UMOD: variants seen among roughly 807,000 people sequenced by gnomAD.
The protein encoded by UMOD is uromodulin, also known as Tamm-Horsfall urinary glycoprotein.
In UMOD, 64 loss-of-function variants were observed where a neutral mutation model predicts 66.0. The observed-to-expected ratio is 0.97, with a 90% CI of 0.79 to 1.19. The LOEUF (loss-of-function observed/expected upper bound fraction) is 1.19, where lower values mean the gene tolerates loss of function less well. Ranked by LOEUF, UMOD falls within the 50% of genes most tolerant of loss-of-function variation. The probability of loss-of-function intolerance (pLI) is 0.00; values close to 1 mark genes in which losing one functional copy is unlikely to be tolerated. For missense variants in UMOD, 764 were observed against 850.9 expected (o/e 0.90, Z 1.27); for synonymous variants, 398 against 352.7 (o/e 1.13, Z -1.44).
intron 6 of UMOD, 27 bp from the exon 7 acceptor site, chr16:20,341,363 G>T (rs751358520): frequency 3.8e-5 from 61 of 1,611,044 alleles, no homozygotes; most frequent in Non-Finnish European, 5.0e-5. Context: ...GTTGGTGAGA[G>T]GACCGGGCTG....
At chr16:20,345,817 T>G (rs1048036608) in intron 5 of UMOD, among the ~76,000 whole-genome samples, 4 of 152,130 alleles carry the variant, frequency 2.6e-5, no homozygotes, top group South Asian at 4.1e-4. Context: ...CAATCCCTAC[T>G]ATGGCCCTAC....
upstream of UMOD, among the ~76,000 whole-genome samples, chr16:20,355,588 T>G (rs953795752): frequency 1.6e-5 from 2 of 124,706 alleles, no homozygotes; most frequent in African/African-American, 9.3e-5. Flanking sequence ...CTAATTTGTG[T>G]TTTTTTTGTA....
chr16:20,355,680 A>G (rs1200257833), upstream of UMOD, among the ~76,000 whole-genome samples: 1 of 152,082 alleles, frequency 6.6e-6, no homozygotes, highest in Non-Finnish European at 1.5e-5. Flanking sequence ...GATTACAGAC[A>G]TGAGCCACCA....
In UMOD at chr16:20,350,688, C is replaced by T. The variant is rs1421859547; in HGVS notation, c.50G>A (p.Trp17Ter). The stretch of plus-strand genomic sequence containing the variant: ...GTCAGTGGCTGCAGTTGTGATGAAC[C>T]AAGAGGCCACCACCACCATCAGCAT... ...TWMLMVVVAS[W>*]FITTAATDTS... is the part of the protein sequence containing the mutation. The change falls in exon 2 of 11, where the codon TGG becomes TAG. Residue 17 changes from tryptophan to a stop codon, truncating the protein, a stop_gained. Transcript: ENST00000396138. LOFTEE classifies it high-confidence loss of function. 6.2e-7 allele frequency: 1 copy of T among 1,614,032 alleles called. No homozygotes were observed. The highest frequency in any genetic ancestry group is 8.5e-7 in the Non-Finnish European group (1 of 1,180,044).
chr16:20,333,982 T>C (rs1204390069), intron 10 of UMOD, among the ~76,000 whole-genome samples: 1 of 135,198 alleles, frequency 7.4e-6, no homozygotes. Flanking sequence ...TACAGTGAGC[T>C]GAGATTTCAC....
At chr16:20,333,646 A>G (rs894206030) in intron 10 of UMOD, among the ~76,000 whole-genome samples, 8 of 152,158 alleles carry the variant, frequency 5.3e-5, no homozygotes, top group African/African-American at 1.9e-4. Flanking sequence ...ATCCTTAGAG[A>G]CCTTGGGGGA....
chr16:20,348,998 C>G lies in UMOD; in HGVS notation c.303G>C (p.Ser101=). 1 of 1,578,842 alleles carries G rather than the reference C, an allele frequency of 6.3e-7. No individual in the cohort carries two copies. The highest frequency in any genetic ancestry group is 8.6e-7 in the Non-Finnish European group (1 of 1,162,422). The change falls in exon 3 of 11, where the codon TCG becomes TCC. Residue 101 remains serine (S), a synonymous_variant. Transcript: ENST00000396138. ...SCVCPEGFRL[S]PGLGCTDVDE... ...CCACGTCTGTGCAGCCGAGACCGGG[C>G]GACAGGCGGAAGCCTTCGGGGCAGA...
upstream of UMOD, chr16:20,352,716 G>A (rs188887539): frequency 8.1e-7 from 1 of 1,231,622 alleles, no homozygotes; most frequent in Non-Finnish European, 1.0e-6. Flanking sequence ...GAGTTAGTCT[G>A]GTCATGATGT....
intron 7 of UMOD, among the ~76,000 whole-genome samples, chr16:20,339,458 G>C (rs1014592089): frequency 2.0e-5 from 3 of 152,270 alleles, no homozygotes; most frequent in South Asian, 4.1e-4. Flanking sequence ...CATACAATGA[G>C]GACAAGATCA....
intron 5 of UMOD, among the ~76,000 whole-genome samples, chr16:20,345,480 TTCCCTCCCTCCCTCCCTCCCTCCC>T (rs1358004978): frequency 3.5e-5 from 1 of 28,186 alleles, no homozygotes; most frequent in East Asian, 3.4e-4. Flanking sequence ...CCTTCCTTCC[TTCCCTCCCTCCCTCCCTCCCTCCC>T]TTCCTTCCTT....
Position 20,348,830 on chromosome 16 carries a change from C to A in UMOD, c.471G>T (p.Pro157=), listed in dbSNP as rs1485153071. 1 of 1,546,836 alleles carries A rather than the reference C, an allele frequency of 6.5e-7. No individual in the cohort carries two copies. Among genetic ancestry groups the A allele is most frequent in the Non-Finnish European group, 8.7e-7 (1 of 1,146,922 alleles). Residue 157 remains proline, a synonymous_variant, in exon 3 of 11, where the codon CCG becomes CCT. Transcript: ENST00000396138. ...HCECSPGSCG[P]GLDCVPEGDA... Reference sequence around the variant, plus strand: ...CGCCCTCGGGCACGCAGTCCAACCCCGGCCCGCAGGAGCCCGGGGAGCACT... The same window carrying A: ...CGCCCTCGGGCACGCAGTCCAACCCAGGCCCGCAGGAGCCCGGGGAGCACT...
chr16:20,339,153 T>C lies in UMOD; in HGVS notation c.1578-1700A>G, dbSNP rs75864273. On this transcript the variant is annotated intron_variant, in intron 7 of 10. Coordinates refer to ENST00000396138, the MANE Select transcript of UMOD (RefSeq NM_003361.4). ...AATAGAAAAACCCAGAGAGATGAGC[T>C]AACCTGTTTCTTAAAGCTAAGAAAT... Among the ~76,000 whole-genome samples, 1,071 of 152,330 alleles carry C rather than the reference T, an allele frequency of 7.0e-3. 12 individuals are homozygous for C. Among genetic ancestry groups the C allele is most frequent in the African/African-American group, 0.024 (1,016 of 41,564 alleles).
At chr16:20,340,203 CA>C (rs1307747533) in intron 7 of UMOD, among the ~76,000 whole-genome samples, 1 of 152,094 alleles carries the variant, frequency 6.6e-6, no homozygotes, top group African/African-American at 2.4e-5. Context: ...GCACCATTCT[CA>C]AAATATTAAA....
At chr16:20,339,436 A>G (rs1000705091) in intron 7 of UMOD, among the ~76,000 whole-genome samples, 2 of 152,246 alleles carry the variant, frequency 1.3e-5, no homozygotes, top group African/African-American at 2.4e-5. Flanking sequence ...ACTTGCATAA[A>G]TAGAACAGGA....
At position 20,336,761 on chromosome 16, in the gene UMOD, A is replaced by T. The variant is rs370154860; in HGVS notation, c.1741-34T>A. The T allele has an allele frequency of 9.0e-5, 144 of 1,593,452 alleles. No homozygotes were observed. The African/African-American group carries it at 1.9e-3, about 21-fold the overall frequency. On this transcript the variant is annotated intron_variant, in intron 8 of 10. Transcript: ENST00000396138. Reference sequence around the variant, plus strand: ...AGAGGGCAATAGAAAAACACCCTCCATGAAGGAGCCTGAATGTGGTTCTGC... The same window carrying T: ...AGAGGGCAATAGAAAAACACCCTCCTTGAAGGAGCCTGAATGTGGTTCTGC...
At chr16:20,348,409 G>A in intron 3 of UMOD, 27 bp downstream of exon 3, 1 of 1,614,102 alleles carries the variant, frequency 6.2e-7, no homozygotes, top group Non-Finnish European at 8.5e-7. Flanking sequence ...GGCCTGGGAT[G>A]AGGACTGTGG....
chr16:20,352,336 T>G (rs563538341), intron 1 of UMOD, among the ~76,000 whole-genome samples: 1 of 152,272 alleles, frequency 6.6e-6, no homozygotes, highest in South Asian at 2.1e-4. Flanking sequence ...GCTAATAAGA[T>G]GCGACCTAAA....
upstream of UMOD, among the ~76,000 whole-genome samples, chr16:20,355,688 C>A (rs1966016911): frequency 6.6e-6 from 1 of 152,138 alleles, no homozygotes; most frequent in African/African-American, 2.4e-5. Context: ...ACATGAGCCA[C>A]CACAACCAGC....
Position 20,333,285 on chromosome 16 carries a change from C to T in UMOD, c.*29G>A. On this transcript the variant is annotated 3_prime_UTR_variant, in exon 11 of 11. Transcript: ENST00000396138. ...TGCCCAGCAGGAGGTGAGATGGCAG[C>T]CATGGAGCACAGGGCTTTCCGCTGT... The T allele has an allele frequency of 6.2e-7, 1 of 1,608,836 alleles. No homozygotes were observed. Among genetic ancestry groups the T allele is most frequent in the Non-Finnish European group, 8.5e-7 (1 of 1,177,396 alleles).
Sources: gnomAD v4.1 joint callset for allele counts (sites outside exome capture counted in the v4.1 genomes callset) on GRCh38, gnomAD v4.1.1 for gene constraint, MANE v1.5 for transcripts, NCBI Gene and HGNC (gene_info 2026-07-23, HGNC 2026-07-21) for gene names.